ST3GAL1: variants seen among roughly 807,000 people sequenced by gnomAD.
ST3GAL1 encodes CMP-N-acetylneuraminate-beta-galactosamide-alpha-2,3-sialyltransferase 1.
A neutral mutation model predicts 34.1 loss-of-function variants in ST3GAL1; 16 were observed. The ratio of observed to expected loss-of-function variants is 0.47; its 90% CI spans 0.32 to 0.71. The LOEUF is 0.71. ST3GAL1 is among the 30% of genes least tolerant of loss of function. The probability of loss-of-function intolerance (pLI) is 0.04; values close to 1 mark genes in which losing one functional copy is unlikely to be tolerated. For synonymous variants in ST3GAL1, 191 were observed against 184.7 expected (o/e 1.03, Z -0.28); for missense variants, 353 against 447.4 (o/e 0.79, Z 1.90).
At chr8:133,504,286 T>C (rs1753046848) in intron 2 of ST3GAL1, among the ~76,000 whole-genome samples, 1 of 152,240 alleles carries the variant, frequency 6.6e-6, no homozygotes, top group Non-Finnish European at 1.5e-5. Flanking sequence ...CATCATTCCA[T>C]CGCTGGGCCT....
At chr8:133,480,853 GT>G (rs1261187146) in intron 3 of ST3GAL1, among the ~76,000 whole-genome samples, 1 of 152,146 alleles carries the variant, frequency 6.6e-6, no homozygotes, top group African/African-American at 2.4e-5. Flanking sequence ...TTCCAGCCTT[GT>G]TTACTCCCCC....
At chr8:133,567,442 C>A (rs1466377417) in intron 1 of ST3GAL1, 2 of 152,212 alleles carry the variant, frequency 1.3e-5, no homozygotes, top group Non-Finnish European at 2.9e-5. Flanking sequence ...GTGACTTCCC[C>A]TCTGAGCCTC....
rs763557939 is a variant in ST3GAL1, at chr8:133,466,122, G to C, written c.307-32C>G. On this transcript the variant is annotated intron_variant, in intron 5 of 9. Coordinates refer to ENST00000522652, the MANE Select transcript of ST3GAL1 (RefSeq NM_173344.3). The surrounding 1 kb of genome is among the most constrained non-coding windows in gnomAD (Gnocchi z 4.4). ...GCGGAGGACAGAAGGTGGTCAACCTGGCTTTGTGGCTCCAGCCTCCTGGCA... is the reference window on the plus strand; with the variant it reads ...GCGGAGGACAGAAGGTGGTCAACCTCGCTTTGTGGCTCCAGCCTCCTGGCA... The C allele has an allele frequency of 3.2e-6, 5 of 1,581,312 alleles. No individual in the cohort carries two copies. Among genetic ancestry groups the C allele is most frequent in the Non-Finnish European group, 4.3e-6 (5 of 1,159,750 alleles).
At chr8:133,561,245 CT>C (rs1819213704) in intron 1 of ST3GAL1, among the ~76,000 whole-genome samples, 1 of 151,540 alleles carries the variant, frequency 6.6e-6, no homozygotes, top group Non-Finnish European at 1.5e-5. Context: ...TTGACTCCAT[CT>C]CCTTAGAAGC....
intron 2 of ST3GAL1, among the ~76,000 whole-genome samples, chr8:133,534,107 G>C (rs1369700020): frequency 6.6e-6 from 1 of 152,172 alleles, no homozygotes; most frequent in Admixed American, 6.5e-5. Context: ...CTGACCATCT[G>C]TCGAGATTGC....
intron 1 of ST3GAL1, among the ~76,000 whole-genome samples, chr8:133,561,836 C>G (rs1327344818): frequency 2.0e-5 from 3 of 152,108 alleles, no homozygotes; most frequent in Non-Finnish European, 4.4e-5. Flanking sequence ...TACCTCTCTA[C>G]AGTTCAGAGT....
At chr8:133,535,846 T>C (rs976119199) in intron 2 of ST3GAL1, among the ~76,000 whole-genome samples, 7 of 152,244 alleles carry the variant, frequency 4.6e-5, no homozygotes, top group Non-Finnish European at 8.8e-5. Context: ...GACATAATGC[T>C]ACTGCACACT....
In ST3GAL1 at chr8:133,461,338, C is replaced by A. The variant is rs1387274763; in HGVS notation, c.849+537G>T. ...TGGGGTGGCAGCAAACCTCTCAGAG[C>A]ATAAGTGGAAACCCGAACACAGCCT... On this transcript the variant is annotated intron_variant, in intron 9 of 9. Transcript: ENST00000522652. This position sits in a 1 kb window ranked among gnomAD's most constrained non-coding sequence, Gnocchi z 4.7. 6.6e-6 allele frequency among the ~76,000 whole-genome samples: 1 copy of A among 152,160 alleles called. No homozygotes were observed. The highest frequency in any genetic ancestry group is 2.4e-5 in the African/African-American group (1 of 41,436).
chr8:133,534,558 G>T (rs1818251658), intron 2 of ST3GAL1, among the ~76,000 whole-genome samples: 2 of 152,168 alleles, frequency 1.3e-5, no homozygotes, highest in Non-Finnish European at 2.9e-5. Context: ...CAAACAGCAG[G>T]TATTCTGTAT....
At chr8:133,554,499 C>T (rs1460385436) in intron 1 of ST3GAL1, among the ~76,000 whole-genome samples, 1 of 151,956 alleles carries the variant, frequency 6.6e-6, no homozygotes, top group East Asian at 1.9e-4. Flanking sequence ...GGAGATGGGC[C>T]CTTTCTGAAA....
chr8:133,569,607 C>T (rs959919409), intron 1 of ST3GAL1, among the ~76,000 whole-genome samples: 5 of 152,074 alleles, frequency 3.3e-5, no homozygotes, highest in Non-Finnish European at 7.4e-5. Flanking sequence ...GGCTGAGGGG[C>T]ACGGAGTGGT....
In ST3GAL1 at chr8:133,506,522, C is replaced by T. The variant is rs139288448; in HGVS notation, c.-428-7333G>A. Among the ~76,000 whole-genome samples the T allele has an allele frequency of 9.0e-3, 1,377 of 152,298 alleles. 30 individuals carry two copies. The highest frequency in any genetic ancestry group is 0.03 in the African/African-American group (1,259 of 41,564). ...AACTGCGGCTGGGCACGGTGGCTCA[C>T]GCCTGTAATCCCAACACTTTGGGAG... On this transcript the variant is annotated intron_variant, in intron 2 of 9. Transcript: ENST00000522652.
chr8:133,497,713 T>A (rs1263142002), intron 3 of ST3GAL1, among the ~76,000 whole-genome samples: 2 of 152,008 alleles, frequency 1.3e-5, no homozygotes, highest in African/African-American at 4.8e-5. Flanking sequence ...CCTCAGGTGA[T>A]CCGCCTGCCT....
At chr8:133,534,011 C>G (rs1334675019) in intron 2 of ST3GAL1, among the ~76,000 whole-genome samples, 1 of 152,136 alleles carries the variant, frequency 6.6e-6, no homozygotes, top group African/African-American at 2.4e-5. Context: ...AGAACACTCC[C>G]TGAGTGACCT....
chr8:133,463,603 T>C, intron 7 of ST3GAL1, 144 bp from the exon 8 acceptor site: 1 of 822,832 alleles, frequency 1.2e-6, no homozygotes, highest in Non-Finnish European at 2.0e-6. Flanking sequence ...GACCCCCACC[T>C]CCCTACCCCA....
intron 2 of ST3GAL1, among the ~76,000 whole-genome samples, chr8:133,538,365 A>G (rs2131058127): frequency 6.6e-6 from 1 of 152,288 alleles, no homozygotes; most frequent in African/African-American, 2.4e-5. Flanking sequence ...AAATATAAAA[A>G]TTAGCCAGGT....
intron 8 of ST3GAL1, 95 bp downstream of exon 8, chr8:133,463,319 T>C: frequency 7.0e-7 from 1 of 1,424,044 alleles, no homozygotes; most frequent in Non-Finnish European, 9.8e-7. Context: ...CCTGGGGATC[T>C]GGGGGCTGTC....
intron 2 of ST3GAL1, among the ~76,000 whole-genome samples, chr8:133,520,032 C>T (rs1369297574): frequency 6.6e-6 from 1 of 152,182 alleles, no homozygotes; most frequent in African/African-American, 2.4e-5. Context: ...TATTTTGGGA[C>T]CTCTGTGCAG....
chr8:133,522,313 G>A (rs948170510), intron 2 of ST3GAL1, among the ~76,000 whole-genome samples: 3 of 152,192 alleles, frequency 2.0e-5, no homozygotes, highest in Non-Finnish European at 2.9e-5. Context: ...TGGCTTCCCT[G>A]GAATGGTGGC....
Sources: allele counts gnomAD v4.1 joint callset (sites outside exome capture counted in the v4.1 genomes callset), GRCh38; gene constraint gnomAD v4.1.1; non-coding constraint Gnocchi (gnomAD v3.1); transcripts MANE v1.5; gene names NCBI Gene and HGNC (gene_info 2026-07-23, HGNC 2026-07-21).